Variants in MAPKAP1 observed in about 807,000 individuals in gnomAD.
MAPKAP1 encodes MAPK associated protein 1, also known as target of rapamycin complex 2 subunit MAPKAP1.
A neutral mutation model predicts 65.7 loss-of-function variants in MAPKAP1; 20 were observed. The ratio of observed to expected loss-of-function variants is 0.30; its 90% CI spans 0.21 to 0.44. The LOEUF is 0.44. Among genes scored for constraint, MAPKAP1 ranks in the 20% least tolerant of loss-of-function variants. The probability of loss-of-function intolerance (pLI) is 1.00; values close to 1 mark genes in which losing one functional copy is unlikely to be tolerated. For missense variants in MAPKAP1, 423 were observed against 648.0 expected, an observed-to-expected ratio of 0.65 and a Z score of 3.77; for synonymous variants, 222 against 244.3, an observed-to-expected ratio of 0.91 and a Z score of 0.85.
chr9:125,688,597 A>G (rs921928586), intron 1 of MAPKAP1, among the ~76,000 whole-genome samples: 1 of 152,196 alleles, frequency 6.6e-6, no homozygotes, highest in Non-Finnish European at 1.5e-5. Flanking sequence ...ATGGTGGCTC[A>G]TGCCTGTAAT....
chr9:125,506,759 T>C (rs1829154320), intron 7 of MAPKAP1, among the ~76,000 whole-genome samples: 1 of 152,196 alleles, frequency 6.6e-6, no homozygotes, highest in Admixed American at 6.5e-5. Flanking sequence ...TAGGAATAGT[T>C]ATACCTTGAA....
At chr9:125,482,005 G>A (rs373072775) in intron 9 of MAPKAP1, among the ~76,000 whole-genome samples, 27 of 151,528 alleles carry the variant, frequency 1.8e-4, no homozygotes, top group African/African-American at 4.9e-4. Context: ...GGTGGTGGGC[G>A]CCTGTAATCC....
At chr9:125,548,651 T>A (rs750333136) in intron 6 of MAPKAP1, among the ~76,000 whole-genome samples, 30 of 152,156 alleles carry the variant, frequency 2.0e-4, no homozygotes, top group Non-Finnish European at 4.0e-4. Context: ...ATAATATCTG[T>A]CATATAATAA....
At chr9:125,451,200 G>A (rs1245265755) in intron 10 of MAPKAP1, 2 of 152,140 alleles carry the variant, frequency 1.3e-5, no homozygotes, top group Non-Finnish European at 2.9e-5. Flanking sequence ...TCTTGCTAAG[G>A]TCACTATGCC....
intron 4 of MAPKAP1, among the ~76,000 whole-genome samples, chr9:125,589,093 T>C (rs1217526328): frequency 6.6e-6 from 1 of 152,224 alleles, no homozygotes; most frequent in Non-Finnish European, 1.5e-5. Context: ...AATCTCTCTA[T>C]GCTTCTGTTT....
At chr9:125,493,778 T>C (rs933127264) in intron 8 of MAPKAP1, among the ~76,000 whole-genome samples, 3 of 152,224 alleles carry the variant, frequency 2.0e-5, no homozygotes, top group Non-Finnish European at 4.4e-5. Flanking sequence ...CTCATTCCAT[T>C]TTTCCCAATG....
chr9:125,567,731 C>T (rs1000783645), intron 5 of MAPKAP1: 1 of 152,172 alleles, frequency 6.6e-6, no homozygotes, highest in Non-Finnish European at 1.5e-5. Flanking sequence ...TGTCCTGTAA[C>T]ATCTTCCTGG....
chr9:125,496,355 C>CT (rs1383858984), intron 8 of MAPKAP1, among the ~76,000 whole-genome samples: 1 of 152,250 alleles, frequency 6.6e-6, no homozygotes, highest in African/African-American at 2.4e-5. Flanking sequence ...CACCTCCCCG[C>CT]TAAAGCCAGA....
intron 10 of MAPKAP1, among the ~76,000 whole-genome samples, chr9:125,463,318 C>G (rs1853566897): frequency 6.6e-6 from 1 of 152,370 alleles, no homozygotes; most frequent in South Asian, 2.1e-4. Flanking sequence ...GCCTTTGTGT[C>G]TAACTGGCTT....
chr9:125,614,169 G>C (rs1244444909), intron 4 of MAPKAP1, among the ~76,000 whole-genome samples: 1 of 152,080 alleles, frequency 6.6e-6, no homozygotes, highest in Non-Finnish European at 1.5e-5. Context: ...GAGTGTAAGA[G>C]AATAATCTTA....
At chr9:125,451,642 C>T (rs1024949009) in intron 10 of MAPKAP1, among the ~76,000 whole-genome samples, 19 of 152,220 alleles carry the variant, frequency 1.2e-4, no homozygotes, top group South Asian at 1.0e-3. Context: ...GGCTTCACCA[C>T]GCACCAAGTA....
At position 125,622,829 on chromosome 9, in the gene MAPKAP1, C is replaced by CCCA. The variant is rs1268310043; in HGVS notation, c.498+34821_498+34822insTGG. On this transcript the variant is annotated intron_variant, in intron 4 of 11. Coordinates refer to ENST00000265960, the MANE Select transcript of MAPKAP1 (RefSeq NM_001006617.3). Reference sequence around the variant, plus strand: ...TCTCCCCTCTCCCCTCTCCCCTCTCCGTCTCCCCAGTCTCCCTCTCATGCG... The same window carrying CCCA: ...TCTCCCCTCTCCCCTCTCCCCTCTCCCCAGTCTCCCCAGTCTCCCTCTCATGCG... Among the ~76,000 whole-genome samples, 127 of 151,996 alleles carry CCCA rather than the reference C, an allele frequency of 8.4e-4. 1 individual carries two copies. Among genetic ancestry groups the CCCA allele is most frequent in the South Asian group, 2.1e-3 (10 of 4,794 alleles).
intron 4 of MAPKAP1, among the ~76,000 whole-genome samples, chr9:125,630,414 C>G (rs975293099): frequency 2.6e-5 from 4 of 152,126 alleles, no homozygotes; most frequent in Non-Finnish European, 5.9e-5. Context: ...TTACAGGCAT[C>G]AGCCACCATG....
chr9:125,571,655 G>A (rs1010411342), intron 5 of MAPKAP1, among the ~76,000 whole-genome samples: 35 of 151,846 alleles, frequency 2.3e-4, no homozygotes, highest in African/African-American at 8.5e-4. Flanking sequence ...TCAGGAGTTT[G>A]AGACGAGCAT....
chr9:125,548,915 A>C (rs1830505268), intron 6 of MAPKAP1, among the ~76,000 whole-genome samples: 1 of 152,232 alleles, frequency 6.6e-6, no homozygotes, highest in Non-Finnish European at 1.5e-5. Flanking sequence ...TTATATAATA[A>C]GTTAATACAT....
chr9:125,618,857 C>G (rs1832818321), intron 4 of MAPKAP1, among the ~76,000 whole-genome samples: 1 of 152,160 alleles, frequency 6.6e-6, no homozygotes, highest in Admixed American at 6.5e-5. Flanking sequence ...TTAGGCTGGG[C>G]ATGGTGGCTC....
rs577894874 is a variant in MAPKAP1, at chr9:125,699,293, T to C, written c.-70+7678A>G. ...GCACAATCATGGCTCACTGCAGCCT[T>C]GACACCCCGGGCTCAAACGATCCTC... On this transcript the variant is annotated intron_variant, in intron 1 of 11. Coordinates refer to ENST00000265960, the MANE Select transcript of MAPKAP1 (RefSeq NM_001006617.3). Among the ~76,000 whole-genome samples, 3 of 151,572 alleles carry C rather than the reference T, an allele frequency of 2.0e-5. No homozygotes were observed. The East Asian group carries it at 5.9e-4, about 30-fold the overall frequency.
chr9:125,521,771 G>A (rs779738806), intron 7 of MAPKAP1: 3 of 1,611,814 alleles, frequency 1.9e-6, no homozygotes, highest in Non-Finnish European at 2.5e-6. Flanking sequence ...AGCACCTAAG[G>A]ACAAAAAACA....
chr9:125,462,484 A>G (rs1853533387), intron 10 of MAPKAP1, among the ~76,000 whole-genome samples: 1 of 152,232 alleles, frequency 6.6e-6, no homozygotes, highest in African/African-American at 2.4e-5. Flanking sequence ...TGGGTGGATT[A>G]AGACAGCCTC....
Sources: allele counts gnomAD v4.1 joint callset (sites outside exome capture counted in the v4.1 genomes callset), GRCh38; gene constraint gnomAD v4.1.1; transcripts MANE v1.5; gene names NCBI Gene and HGNC (gene_info 2026-07-23, HGNC 2026-07-21).